Variants in THNSL2 observed in about 807,000 individuals in gnomAD.
THNSL2 encodes threonine synthase like 2, also known as threonine synthase-like 2.
THNSL2 carries 34 observed loss-of-function variants against 40.0 expected under a neutral mutation model. The observed-to-expected ratio is 0.85, with a 90% CI of 0.65 to 1.13. The LOEUF (loss-of-function observed/expected upper bound fraction) is 1.13. THNSL2 is among the 50% of genes most tolerant of loss of function. THNSL2 has a pLI of 0.00. For synonymous variants in THNSL2, 241 were observed against 247.5 expected (o/e 0.97, Z 0.25); for missense variants, 537 against 608.8 (o/e 0.88, Z 1.24).
intron 5 of THNSL2, among the ~76,000 whole-genome samples, chr2:88,181,630 A>G (rs1020061849): frequency 8.1e-5 from 12 of 148,614 alleles, no homozygotes; most frequent in African/African-American, 3.0e-4. Context: ...TTCACATACC[A>G]TTCACACATT....
chr2:88,182,908 G>A (rs769431466), intron 6 of THNSL2, 40 bp from the exon 7 acceptor site: 1 of 1,613,050 alleles, frequency 6.2e-7, no homozygotes, highest in East Asian at 2.2e-5. Context: ...GCTCGATGGG[G>A]CTGAGATCAG....
At chr2:88,179,112 G>A in intron 5 of THNSL2, 99 bp downstream of exon 5, 8 of 1,227,182 alleles carry the variant, frequency 6.5e-6, no homozygotes, top group Non-Finnish European at 9.4e-6. Flanking sequence ...GAGAAGGAAG[G>A]TGGAGTCCCA....
Position 88,173,168 on chromosome 2 carries a change from C to G in THNSL2, c.18C>G (p.Thr6=), listed in dbSNP as rs1248587912. ...CCAGGATCATGTGGTATGTCAGCACCAGGGGCGTAGCCCCACGGGTCAACT... is the reference window on the plus strand; with the variant it reads ...CCAGGATCATGTGGTATGTCAGCACGAGGGGCGTAGCCCCACGGGTCAACT... MWYVS[T]RGVAPRVNFE... is the part of the protein sequence containing the mutation. The change falls in exon 2 of 9, where the codon ACC becomes ACG. Residue 6 remains threonine (T), a synonymous_variant. Transcript: ENST00000674334. The G allele has an allele frequency of 6.4e-7, 1 of 1,574,790 alleles. No individual in the cohort carries two copies. Among genetic ancestry groups the G allele is most frequent in the South Asian group, 1.2e-5 (1 of 85,926 alleles).
At chr2:88,178,223 G>A (rs1677146816) in intron 4 of THNSL2, among the ~76,000 whole-genome samples, 1 of 152,214 alleles carries the variant, frequency 6.6e-6, no homozygotes, top group African/African-American at 2.4e-5. Context: ...TCAGGGAGGG[G>A]AAGTTCTGTC....
chr2:88,173,466 T>G, intron 2 of THNSL2, 93 bp downstream of exon 2: 144 of 889,148 alleles, frequency 1.6e-4, no homozygotes, highest in Non-Finnish European at 2.0e-4. Context: ...AGGAAGTCTC[T>G]AGTCACATTT....
rs762092823 is a variant in THNSL2 at position 88,173,188 on chromosome 2, T to C, written c.38T>C (p.Val13Ala). Residue 13 changes from valine (V) to alanine (A), a missense_variant, in exon 2 of 9, where the codon GTC (valine) becomes GCC (alanine). By Grantham distance (64) the Val-to-Ala change is moderately conservative (BLOSUM62 0). Coordinates refer to ENST00000674334, the MANE Select transcript of THNSL2 (RefSeq NM_018271.5). ...AGCACCAGGGGCGTAGCCCCACGGGTCAACTTTGAGGGGGCCCTCTTCTCT... is the reference window on the plus strand; with the variant it reads ...AGCACCAGGGGCGTAGCCCCACGGGCCAACTTTGAGGGGGCCCTCTTCTCT... Reference protein sequence around the residue: ...YVSTRGVAPRVNFEGALFSGY... With the variant: ...YVSTRGVAPRANFEGALFSGY... 84 of 1,600,790 alleles carry C rather than the reference T, an allele frequency of 5.2e-5. No homozygotes were observed. In the Middle Eastern group the frequency reaches 6.9e-4, roughly 13 times the overall value.
At chr2:88,174,341 A>G (rs1233954636) in intron 2 of THNSL2, among the ~76,000 whole-genome samples, 2 of 152,074 alleles carry the variant, frequency 1.3e-5, no homozygotes, top group African/African-American at 2.4e-5. Flanking sequence ...CCTGATTGGA[A>G]TACATGCTCA....
intron 4 of THNSL2, among the ~76,000 whole-genome samples, chr2:88,177,607 A>C (rs922205401): frequency 6.6e-6 from 1 of 152,046 alleles, no homozygotes; most frequent in Non-Finnish European, 1.5e-5. Flanking sequence ...TGATTCAGTG[A>C]CTCACAATGC....
Position 88,183,233 on chromosome 2 carries a change from A to G in THNSL2, c.1077+160A>G, listed in dbSNP as rs1471011667. Reference sequence around the variant, plus strand: ...CACTTTACATGGAATAATTTATTGAATGAGGAGAGGTAATAGAGAACATGG... The same window carrying G: ...CACTTTACATGGAATAATTTATTGAGTGAGGAGAGGTAATAGAGAACATGG... On this transcript the variant is annotated intron_variant, in intron 7 of 8. Coordinates refer to ENST00000674334, the MANE Select transcript of THNSL2 (RefSeq NM_018271.5). 10 of 963,610 alleles carry G rather than the reference A, an allele frequency of 1.0e-5. No homozygotes were observed. In the East Asian group the frequency reaches 2.2e-4, roughly 21 times the overall value. 59.7% of individuals were successfully genotyped at this position (963,610 alleles called of 1,614,324 possible).
intron 7 of THNSL2, among the ~76,000 whole-genome samples, chr2:88,184,897 C>T (rs143617111): frequency 6.6e-6 from 1 of 151,982 alleles, no homozygotes; most frequent in Non-Finnish European, 1.5e-5. Flanking sequence ...CCAAACACAC[C>T]GAGGGAGCAC....
intron 7 of THNSL2, 72 bp from the exon 8 acceptor site, chr2:88,185,256 G>A: frequency 6.7e-7 from 1 of 1,492,090 alleles, no homozygotes; most frequent in South Asian, 1.4e-5. Context: ...ATCTGTGGTG[G>A]AGAGTGGGGT....
In THNSL2 at chr2:88,186,146, T is replaced by C. The variant is rs1387530812; in HGVS notation, c.*23T>C. ...TAGCCTGGCTGGAGGTGGCTTTCTTTAGGCTTCAGATCCCAGGAAGATGCA... is the reference window on the plus strand; with the variant it reads ...TAGCCTGGCTGGAGGTGGCTTTCTTCAGGCTTCAGATCCCAGGAAGATGCA... On this transcript the variant is annotated 3_prime_UTR_variant, in exon 9 of 9. Coordinates refer to ENST00000674334, the MANE Select transcript of THNSL2 (RefSeq NM_018271.5). 1 of 1,549,960 alleles carries C rather than the reference T, an allele frequency of 6.5e-7. No homozygotes were observed. The highest frequency in any genetic ancestry group is 2.4e-5 in the East Asian group (1 of 40,914).
At chr2:88,185,662 G>C in intron 8 of THNSL2, 183 bp downstream of exon 8, 2 of 1,551,626 alleles carry the variant, frequency 1.3e-6, no homozygotes, top group Non-Finnish European at 1.7e-6. Context: ...AGATATCCCA[G>C]GGACAGCCAT....
intron 5 of THNSL2, among the ~76,000 whole-genome samples, chr2:88,179,546 A>G (rs1677312344): frequency 6.6e-6 from 1 of 152,234 alleles, no homozygotes; most frequent in African/African-American, 2.4e-5. Flanking sequence ...CCTTTGAGCT[A>G]TAAAATGAGA....
At chr2:88,170,636 G>C (rs546873418) in intron 1 of THNSL2, among the ~76,000 whole-genome samples, 180 bp downstream of exon 1, 100 of 152,330 alleles carry the variant, frequency 6.6e-4, no homozygotes, top group African/African-American at 2.3e-3. Flanking sequence ...GGTGGTGCGG[G>C]GGGTTTCTGA....
At chr2:88,184,512 C>T (rs533278017) in intron 7 of THNSL2, among the ~76,000 whole-genome samples, 8 of 152,206 alleles carry the variant, frequency 5.3e-5, no homozygotes, top group Non-Finnish European at 8.8e-5. Context: ...CGCCTCTAAT[C>T]CCAGAACTTT....
At chr2:88,171,710 T>C (rs1293231992) in intron 1 of THNSL2, 1 of 175,504 alleles carries the variant, frequency 5.7e-6, no homozygotes, top group African/African-American at 2.4e-5. Flanking sequence ...CCTGCTTTGC[T>C]TATCCACTGC....
intron 8 of THNSL2, 147 bp from the exon 9 acceptor site, chr2:88,185,751 A>C: frequency 6.5e-7 from 1 of 1,547,850 alleles, no homozygotes; most frequent in Non-Finnish European, 8.7e-7. Flanking sequence ...AATAAGTTCA[A>C]GGTGCCAATT....
chr2:88,176,002 A>T (rs548998416), intron 4 of THNSL2: 1 of 152,558 alleles, frequency 6.6e-6, no homozygotes, highest in South Asian at 2.1e-4. Flanking sequence ...AAAGGCTGAG[A>T]TGGGAGGATC....
Sources: allele counts gnomAD v4.1 joint callset (sites outside exome capture counted in the v4.1 genomes callset), GRCh38; gene constraint gnomAD v4.1.1; transcripts MANE v1.5; gene names NCBI Gene and HGNC (gene_info 2026-07-23, HGNC 2026-07-21).